IRF2: variants seen among roughly 807,000 people sequenced by gnomAD.
IRF2 encodes the protein interferon regulatory factor 2.
IRF2 carries 15 observed loss-of-function variants against 40.6 expected under a neutral mutation model. The ratio of observed to expected loss-of-function variants is 0.37; its 90% CI spans 0.25 to 0.57. IRF2 has a LOEUF of 0.57. Among genes scored for constraint, IRF2 ranks in the 20% least tolerant of loss-of-function variants. The pLI, the probability that IRF2 is intolerant of heterozygous loss-of-function variation, is 0.77. For missense variants in IRF2, 317 were observed against 455.7 expected, an observed-to-expected ratio of 0.70 and a Z score of 2.77; for synonymous variants, 151 against 165.5, an observed-to-expected ratio of 0.91 and a Z score of 0.67.
rs762927141 is a variant in IRF2 at position 184,428,874 on chromosome 4, T to C, written c.87+104A>G. 2.7e-5 allele frequency: 25 copies of C among 923,976 alleles called. No individual in the cohort carries two copies. In the Admixed American group the frequency reaches 4.0e-4, roughly 15 times the overall value. The allele number at this position is 923,976 out of a possible 1,614,324, so 57.2% of individuals were successfully genotyped here. On this transcript the variant is annotated intron_variant, in intron 2 of 8. Coordinates refer to ENST00000393593, the MANE Select transcript of IRF2 (RefSeq NM_002199.4). ...TGGGTTGGCTGGTTTTTGTCATGAATAAGCCTAAGATTTTGAATACACACG... is the reference window on the plus strand; with the variant it reads ...TGGGTTGGCTGGTTTTTGTCATGAACAAGCCTAAGATTTTGAATACACACG...
At chr4:184,444,716 C>T (rs1738439669) in intron 1 of IRF2, among the ~76,000 whole-genome samples, 1 of 152,178 alleles carries the variant, frequency 6.6e-6, no homozygotes, top group Non-Finnish European at 1.5e-5. Flanking sequence ...TGATTTATGT[C>T]CTGGGCAGGA....
rs141066995 is a variant in IRF2, at chr4:184,388,914, C to T, written c.894G>A (p.Pro298=). Residue 298 remains proline, a synonymous_variant, in exon 9 of 9, where the codon CCG becomes CCA. Coordinates refer to ENST00000393593, the MANE Select transcript of IRF2 (RefSeq NM_002199.4). This position sits in a 1 kb window ranked among gnomAD's most constrained non-coding sequence, Gnocchi z 4.6. ...GGGGCCAGGAGCTGTTGTAAGGCACCGGATTGCTCTCCTCTTTGATGGTGA... is the reference window on the plus strand; with the variant it reads ...GGGGCCAGGAGCTGTTGTAAGGCACTGGATTGCTCTCCTCTTTGATGGTGA... ...LQVTIKEESN[P]VPYNSSWPPF... 413 of 1,613,948 alleles carry T rather than the reference C, an allele frequency of 2.6e-4. No individual in the cohort carries two copies. The highest frequency in any genetic ancestry group is 3.2e-4 in the Non-Finnish European group (377 of 1,180,030).
intron 8 of IRF2, 89 bp from the exon 9 acceptor site, chr4:184,389,155 C>T: frequency 7.6e-7 from 1 of 1,312,370 alleles, no homozygotes; most frequent in South Asian, 1.2e-5. Context: ...TGTGGTGGCT[C>T]ATGCCTGTAA....
At chr4:184,424,726 G>C (rs1452727767) in intron 2 of IRF2, among the ~76,000 whole-genome samples, 2 of 152,174 alleles carry the variant, frequency 1.3e-5, no homozygotes, top group Non-Finnish European at 2.9e-5. Context: ...TCCAGAGTCA[G>C]GTATTCTGTT....
At chr4:184,453,273 A>G (rs1579105479) in intron 1 of IRF2, among the ~76,000 whole-genome samples, 1 of 152,220 alleles carries the variant, frequency 6.6e-6, no homozygotes, top group Non-Finnish European at 1.5e-5. Context: ...CTGACTTTTA[A>G]AAGTATTTTA....
At chr4:184,458,934 C>A (rs1323502484) in intron 1 of IRF2, among the ~76,000 whole-genome samples, 3 of 152,094 alleles carry the variant, frequency 2.0e-5, no homozygotes, top group Non-Finnish European at 4.4e-5. Context: ...TGCTTTTATC[C>A]ATTTTACTTA....
At chr4:184,465,123 ATC>A (rs1175731808) in intron 1 of IRF2, among the ~76,000 whole-genome samples, 1 of 152,222 alleles carries the variant, frequency 6.6e-6, no homozygotes, top group Non-Finnish European at 1.5e-5. Context: ...GTGAAATCAT[ATC>A]TCAAGCCCTT....
intron 1 of IRF2, among the ~76,000 whole-genome samples, chr4:184,442,043 G>A (rs1006963570): frequency 6.6e-6 from 1 of 152,120 alleles, no homozygotes; most frequent in African/African-American, 2.4e-5. Flanking sequence ...TGTGTGGAAG[G>A]GGACACAGCC....
intron 1 of IRF2, among the ~76,000 whole-genome samples, chr4:184,444,387 G>A (rs995818132): frequency 6.6e-6 from 1 of 152,074 alleles, no homozygotes; most frequent in African/African-American, 2.4e-5. Context: ...GGAACCAAAC[G>A]CAGAAGGTAA....
At chr4:184,460,685 G>GCACACA (rs1005091630) in intron 1 of IRF2, among the ~76,000 whole-genome samples, 1 of 109,548 alleles carries the variant, frequency 9.1e-6, no homozygotes, top group Admixed American at 1.0e-4. Flanking sequence ...ACACATGCAC[G>GCACACA]CACACACACA....
intron 6 of IRF2, among the ~76,000 whole-genome samples, chr4:184,401,064 T>C (rs1440317675): frequency 2.0e-5 from 3 of 152,232 alleles, no homozygotes; most frequent in African/African-American, 7.2e-5. Flanking sequence ...GAGTGACTTG[T>C]CCAGACTCGC....
intron 2 of IRF2, among the ~76,000 whole-genome samples, chr4:184,424,008 T>G (rs756440734): frequency 6.6e-6 from 1 of 152,212 alleles, no homozygotes; most frequent in Non-Finnish European, 1.5e-5. Context: ...AATGCCCTTA[T>G]GTCTTACAAT....
chr4:184,396,436 C>CTTT (rs749998648), intron 7 of IRF2, among the ~76,000 whole-genome samples: 1 of 134,722 alleles, frequency 7.4e-6, no homozygotes, highest in South Asian at 2.4e-4. Context: ...ATTTTTTTTT[C>CTTT]TTTTTTTTTT....
At chr4:184,395,557 A>G (rs1736423699) in intron 7 of IRF2, among the ~76,000 whole-genome samples, 1 of 152,252 alleles carries the variant, frequency 6.6e-6, no homozygotes, top group South Asian at 2.1e-4. Flanking sequence ...TACACGCAGA[A>G]AGCTGCCTTT....
chr4:184,467,397 T>A (rs1471023685), intron 1 of IRF2, among the ~76,000 whole-genome samples: 1 of 152,156 alleles, frequency 6.6e-6, no homozygotes, highest in Admixed American at 6.5e-5. Context: ...TCCACCAGCC[T>A]CCCATTGCTA....
At chr4:184,437,827 C>T (rs1339554781) in intron 1 of IRF2, among the ~76,000 whole-genome samples, 5 of 86,208 alleles carry the variant, frequency 5.8e-5, no homozygotes, top group Non-Finnish European at 8.2e-5. Flanking sequence ...GCTATTGGAA[C>T]GTACAAAAAA....
chr4:184,419,676 G>A lies in IRF2; in HGVS notation c.88-108C>T, dbSNP rs76202380. 2.5e-3 allele frequency: 1,826 copies of A among 726,806 alleles called. 29 individuals carry two copies. In the African/African-American group the frequency reaches 0.03, roughly 12 times the overall value. 45.0% of individuals were successfully genotyped at this position (726,806 alleles called of 1,614,324 possible). On this transcript the variant is annotated intron_variant, in intron 2 of 8. Transcript: ENST00000393593. ...CCAGCAAGATTCCCCAGCAAGCATC[G>A]CTGAATGTGTTGACTGCTGACAAGA...
At chr4:184,390,537 C>T (rs1020395403) in intron 8 of IRF2, among the ~76,000 whole-genome samples, 166 bp downstream of exon 8, 1 of 152,174 alleles carries the variant, frequency 6.6e-6, no homozygotes, top group African/African-American at 2.4e-5. Context: ...ACCCCAAACC[C>T]AAAAGTATGG....
At chr4:184,405,308 G>A (rs1427891185) in intron 6 of IRF2, among the ~76,000 whole-genome samples, 1 of 152,158 alleles carries the variant, frequency 6.6e-6, no homozygotes, top group African/African-American at 2.4e-5. Context: ...TCAATGATCT[G>A]GGAGCGGAAG....
Sources: allele counts gnomAD v4.1 joint callset (sites outside exome capture counted in the v4.1 genomes callset), GRCh38; gene constraint gnomAD v4.1.1; non-coding constraint Gnocchi (gnomAD v3.1); transcripts MANE v1.5; gene names NCBI Gene and HGNC (gene_info 2026-07-23, HGNC 2026-07-21).